The following TULP1 variants were observed in gnomAD, a reference collection of about 807,000 sequenced individuals.
The protein encoded by TULP1 is tubby-related protein 1.
Under a neutral mutation model 67.1 loss-of-function variants are expected in TULP1, and 50 were observed. The observed-to-expected ratio is 0.75, with a 90% CI of 0.59 to 0.94. The LOEUF is 0.94. Ranked by LOEUF, TULP1 falls within the 40% of genes least tolerant of loss-of-function variation. The pLI, the probability that TULP1 is intolerant of heterozygous loss-of-function variation, is 0.00. For synonymous variants in TULP1, 297 were observed against 294.0 expected (o/e 1.01, Z -0.11); for missense variants, 746 against 734.1 (o/e 1.02, Z -0.19).
Position 35,512,771 on chromosome 6 carries a change from C to A in TULP1, c.47+41G>T, listed in dbSNP as rs199605485. 1.9e-6 allele frequency: 3 copies of A among 1,612,232 alleles called. No individual in the cohort carries two copies. The African/African-American group carries it at 4.0e-5, about 22-fold the overall frequency. ...CCACTCCCCATCCCTCCATCTAGGC[C>A]CCCCAGGGTTCAGGTGCCACGAACT... On this transcript the variant is annotated intron_variant, in intron 1 of 14. Coordinates refer to ENST00000229771, the MANE Select transcript of TULP1 (RefSeq NM_003322.6).
Position 35,506,278 on chromosome 6 carries a change from T to C in TULP1, c.824A>G (p.Lys275Arg), listed in dbSNP as rs1254465195. 16 of 1,578,218 alleles carry C rather than the reference T, an allele frequency of 1.0e-5. No homozygotes were observed. Among genetic ancestry groups the C allele is most frequent in the Non-Finnish European group, 1.4e-5 (16 of 1,162,224 alleles). ...KGKAKGKGKK[K>R]AKEERAPSPP... Reference sequence around the variant, plus strand: ...CAGCCCGGCAGGACAACTCACCGCTTTCTGTGTGCGGAGAGAACAGAGAGG... The same window carrying C: ...CAGCCCGGCAGGACAACTCACCGCTCTCTGTGTGCGGAGAGAACAGAGAGG... The change falls in exon 9 of 15, where the codon AAA (lysine) becomes AGA (arginine). Residue 275 changes from lysine to arginine, a missense_variant and splice_region_variant. Lys to Arg is a conservative substitution (Grantham distance 26). Around this residue, in one of 3 missense-constraint regions of TULP1, gnomAD observed 383 missense variants for 374.1 expected, o/e 1.02. Coordinates refer to ENST00000229771, the MANE Select transcript of TULP1 (RefSeq NM_003322.6).
chr6:35,503,925 G>C lies in TULP1; in HGVS notation c.1113-77C>G. On this transcript the variant is annotated intron_variant, in intron 11 of 14. Transcript: ENST00000229771. The surrounding 1 kb of genome is among the most constrained non-coding windows in gnomAD (Gnocchi z 4.0). ...CCCCAGGCCCCTTCCACACAGCCAA[G>C]CAGTTTAGAGAGCTTCCTACAAGGG... is the stretch of plus-strand genomic sequence containing the variant. The C allele has an allele frequency of 8.9e-7, 1 of 1,118,538 alleles. No individual in the cohort carries two copies. Among genetic ancestry groups the C allele is most frequent in the Admixed American group, 2.0e-5 (1 of 50,292 alleles). The allele number at this position is 1,118,538 out of a possible 1,614,324, so 69.3% of individuals were successfully genotyped here. A position where few individuals can be genotyped will look rare whatever the true frequency, so the allele number is the denominator to read the frequency against.
At chr6:35,511,503 T>C in intron 4 of TULP1, 145 bp downstream of exon 4, 1 of 1,280,266 alleles carries the variant, frequency 7.8e-7, no homozygotes, top group Non-Finnish European at 1.1e-6. Flanking sequence ...CTTAGCACAA[T>C]ACCTGGCTCA....
rs147950414 is a variant in TULP1 at position 35,510,988 on chromosome 6, G to A, written c.372C>T (p.Asp124=). Residue 124 remains aspartate, a synonymous_variant, in exon 5 of 15, where the codon GAC becomes GAT. Transcript: ENST00000229771. ...CTGCCTCCTCTTCCTCGTCCTCCTC[G>A]TCCTCCTCTTCCTCCTCCTCCTCTG... ...AEDEEEEEEE[D]EEDEEEEAEE... The A allele has an allele frequency of 4.1e-5, 65 of 1,600,270 alleles. No individual in the cohort carries two copies. In the African/African-American group the frequency reaches 5.2e-4, roughly 13 times the overall value.
rs557199350 is a variant in TULP1, at chr6:35,512,560, C to T, written c.99+79G>A. On this transcript the variant is annotated intron_variant, in intron 2 of 14. Coordinates refer to ENST00000229771, the MANE Select transcript of TULP1 (RefSeq NM_003322.6). ...ACCCTGCTAAGGGGGACCTGTCCCA[C>T]CCCTAGACCCCCTACCCTGCGTGGG... 42 of 1,593,444 alleles carry T rather than the reference C, an allele frequency of 2.6e-5. No individual in the cohort carries two copies. In the South Asian group the frequency reaches 4.0e-4, roughly 15 times the overall value.
intron 1 of TULP1, 25 bp from the exon 2 acceptor site, chr6:35,512,715 T>C (rs980636867): frequency 6.8e-6 from 11 of 1,613,042 alleles, no homozygotes; most frequent in Non-Finnish European, 1.7e-6. Flanking sequence ...GGGATCAGCC[T>C]GTCTCCCTTC....
At chr6:35,504,599 C>T (rs922123151) in intron 11 of TULP1, among the ~76,000 whole-genome samples, 1 of 151,938 alleles carries the variant, frequency 6.6e-6, no homozygotes, top group Non-Finnish European at 1.5e-5. Context: ...CTCACTCTGT[C>T]GCCCAGGCTG....
At position 35,505,512 on chromosome 6, in the gene TULP1, C is replaced by T. The variant is rs774676730; in HGVS notation, c.1112+229G>A. 7.0e-6 allele frequency: 9 copies of T among 1,291,514 alleles called. No individual in the cohort carries two copies. The South Asian group carries it at 1.0e-4, about 15-fold the overall frequency. The allele number at this position is 1,291,514 out of a possible 1,614,324, so 80.0% of individuals were successfully genotyped here. ...TGGGCTGGCAGCAGTGTGGGCATCG[C>T]CTGGGTGCTCATTAAAAATGTAGAC... On this transcript the variant is annotated intron_variant, in intron 11 of 14. Transcript: ENST00000229771.
chr6:35,509,819 G>C lies in TULP1; in HGVS notation c.601+8C>G. The C allele has an allele frequency of 6.2e-7, 1 of 1,614,032 alleles. No individual in the cohort carries two copies. Among genetic ancestry groups the C allele is most frequent in the Non-Finnish European group, 8.5e-7 (1 of 1,179,998 alleles). ...GGAGTCCCCTGTTCCTCCCTAGGCT[G>C]GGCTCACCTTTCTTCTTGGTCTTTC... On this transcript the variant is annotated splice_region_variant and intron_variant, in intron 6 of 14. Coordinates refer to ENST00000229771, the MANE Select transcript of TULP1 (RefSeq NM_003322.6).
chr6:35,511,580 G>A (rs535781533), intron 4 of TULP1, 68 bp downstream of exon 4: 168 of 1,555,724 alleles, frequency 1.1e-4, no homozygotes, highest in Middle Eastern at 1.0e-3. Context: ...GGCCGTTCCC[G>A]TCCAGCCAGC....
At chr6:35,500,184 G>A (rs1366279959) in intron 13 of TULP1, 32 bp from the exon 14 acceptor site, 2 of 1,612,462 alleles carry the variant, frequency 1.2e-6, no homozygotes, top group Non-Finnish European at 1.7e-6. Flanking sequence ...GACAGGGAGA[G>A]GACAGTTAGA....
intron 13 of TULP1, among the ~76,000 whole-genome samples, chr6:35,502,914 C>T (rs143117883): frequency 3.6e-4 from 55 of 152,068 alleles, no homozygotes; most frequent in African/African-American, 1.3e-3. Flanking sequence ...TTCAGGGGGG[C>T]AGAGCTTTGG....
intron 5 of TULP1, 182 bp downstream of exon 5, chr6:35,510,679 A>C: frequency 1.5e-6 from 2 of 1,368,410 alleles, no homozygotes; most frequent in Non-Finnish European, 9.9e-7. Flanking sequence ...GGGTGGAGGC[A>C]TATATTGGTC....
At chr6:35,510,581 A>C (rs1761175566) in intron 5 of TULP1, 1 of 568,074 alleles carries the variant, frequency 1.8e-6, no homozygotes, top group Admixed American at 3.3e-5. Context: ...GAGTTAAAAC[A>C]AAAACTAAAC....
chr6:35,498,573 C>G lies in TULP1; in HGVS notation c.1496-113G>C. 1 of 1,497,384 alleles carries G rather than the reference C, an allele frequency of 6.7e-7. No homozygotes were observed. Among genetic ancestry groups the G allele is most frequent in the South Asian group, 1.2e-5 (1 of 83,582 alleles). The allele number at this position is 1,497,384 out of a possible 1,614,324, so 92.8% of individuals were successfully genotyped here. On this transcript the variant is annotated intron_variant, in intron 14 of 14. Transcript: ENST00000229771. The surrounding 1 kb of genome is among the most constrained non-coding windows in gnomAD (Gnocchi z 6.7). Reference sequence around the variant, plus strand: ...TGTCCCTTGCCTTGGGGCTCCAACCCTCAGCCACCATCTCAGTTACTCAAC... The same window carrying G: ...TGTCCCTTGCCTTGGGGCTCCAACCGTCAGCCACCATCTCAGTTACTCAAC...
At chr6:35,511,110 A>G in intron 4 of TULP1, 100 bp from the exon 5 acceptor site, 4 of 1,568,048 alleles carry the variant, frequency 2.6e-6, no homozygotes, top group Non-Finnish European at 2.6e-6. Flanking sequence ...CATGGGCACC[A>G]GAAGGGGAGC....
intron 11 of TULP1, chr6:35,504,082 G>C: frequency 2.0e-6 from 1 of 498,350 alleles, no homozygotes; most frequent in Non-Finnish European, 3.7e-6. Flanking sequence ...TTGGGAGTCA[G>C]AGGAGGGAGG....
At chr6:35,512,726 C>T (rs1761236904) in intron 1 of TULP1, 36 bp from the exon 2 acceptor site, 1 of 1,609,378 alleles carries the variant, frequency 6.2e-7, no homozygotes, top group South Asian at 1.1e-5. Flanking sequence ...GTCTCCCTTC[C>T]CCTTCCCTCC....
chr6:35,506,331 G>A, intron 8 of TULP1, 52 bp from the exon 9 acceptor site: 1 of 1,549,044 alleles, frequency 6.5e-7, no homozygotes. Flanking sequence ...CGCATCCCTG[G>A]AGGCGGGGAA....
Sources: allele counts gnomAD v4.1 joint callset (sites outside exome capture counted in the v4.1 genomes callset), GRCh38; gene constraint gnomAD v4.1.1; regional missense constraint gnomAD v4.1.1; non-coding constraint Gnocchi (gnomAD v3.1); transcripts MANE v1.5; gene names NCBI Gene and HGNC (gene_info 2026-07-23, HGNC 2026-07-21).